DACH2: variants seen among roughly 807,000 people sequenced by gnomAD.
DACH2 encodes dachshund homolog 2.
DACH2 carries 17 observed loss-of-function variants against 35.8 expected under a neutral mutation model. The ratio of observed to expected loss-of-function variants is 0.48; its 90% confidence interval spans 0.33 to 0.71. The LOEUF (loss-of-function observed/expected upper bound fraction) is 0.71. DACH2 is among the 30% of genes least tolerant of loss of function. The pLI, the probability that DACH2 is intolerant of heterozygous loss-of-function variation, is 0.02. For missense variants in DACH2, 469 were observed against 472.7 expected (o/e 0.99, Z 0.07); for synonymous variants, 195 against 177.3 (o/e 1.10, Z -0.79).
intron 2 of DACH2, among the ~76,000 whole-genome samples, chrX:86,424,248 T>A (rs2036855013): frequency 9.0e-6 from 1 of 111,013 alleles, no homozygotes; most frequent in Non-Finnish European, 1.9e-5. Context: ...GATAGGGATT[T>A]CAGTGAACCT....
intron 3 of DACH2, among the ~76,000 whole-genome samples, chrX:86,591,730 G>A (rs2039649145): frequency 9.1e-6 from 1 of 109,881 alleles, no homozygotes; most frequent in Non-Finnish European, 1.9e-5. Flanking sequence ...TAGAGATGGA[G>A]TTTCACCATA....
At chrX:86,213,758 C>T (rs2032503558) in intron 1 of DACH2, among the ~76,000 whole-genome samples, 1 of 110,806 alleles carries the variant, frequency 9.0e-6, no homozygotes, top group South Asian at 3.7e-4. Context: ...GATCCACAAA[C>T]TTCAGAAACA....
At chrX:86,315,790 C>G (rs2034889160) in intron 1 of DACH2, among the ~76,000 whole-genome samples, 1 of 28,054 alleles carries the variant, frequency 3.6e-5, no homozygotes, top group Non-Finnish European at 6.9e-5. Flanking sequence ...GGGTCGTGGA[C>G]ACACACACAC....
At chrX:86,718,884 T>C (rs761897514) in intron 6 of DACH2, among the ~76,000 whole-genome samples, 17 of 112,217 alleles carry the variant, frequency 1.5e-4, no homozygotes, top group Non-Finnish European at 3.2e-4. Flanking sequence ...ACTGTAGCCT[T>C]ACAGTATAAT....
intron 3 of DACH2, among the ~76,000 whole-genome samples, chrX:86,523,484 T>A (rs988814163): frequency 4.5e-5 from 5 of 111,627 alleles, no homozygotes; most frequent in African/African-American, 1.6e-4. Flanking sequence ...ATCAAATAAA[T>A]TTTTCCTTTT....
chrX:86,595,733 G>GTT (rs970677927), intron 3 of DACH2, among the ~76,000 whole-genome samples: 6 of 107,658 alleles, frequency 5.6e-5, no homozygotes, highest in African/African-American at 2.0e-4. Flanking sequence ...TTGAGCTATA[G>GTT]TTATATATAT....
chrX:86,747,212 T>G (rs2041722177), intron 7 of DACH2, among the ~76,000 whole-genome samples: 1 of 111,808 alleles, frequency 8.9e-6, no homozygotes, highest in Non-Finnish European at 1.9e-5. Context: ...CAGTTTCTGA[T>G]AAGATATCAA....
At chrX:86,397,318 C>G (rs1306377222) in intron 2 of DACH2, among the ~76,000 whole-genome samples, 2 of 111,583 alleles carry the variant, frequency 1.8e-5, no homozygotes, top group Non-Finnish European at 3.8e-5. Context: ...TCTAGATATA[C>G]AATCACGTCA....
intron 11 of DACH2, chrX:86,827,647 T>C: frequency 1.7e-6 from 1 of 573,501 alleles, no homozygotes; most frequent in South Asian, 2.6e-5. Context: ...TGAACATATA[T>C]AGCACAGCGA....
intron 7 of DACH2, among the ~76,000 whole-genome samples, chrX:86,804,436 G>GTT (rs886854564): frequency 1.8e-5 from 2 of 111,654 alleles, no homozygotes; most frequent in African/African-American, 6.5e-5. Context: ...GGGGATGACA[G>GTT]TTTGACATGA....
At position 86,786,844 on chromosome X, in the gene DACH2, G is replaced by T. The variant is rs781574853; in HGVS notation, c.1241-26012G>T. On this transcript the variant is annotated intron_variant, in intron 7 of 11. Coordinates refer to ENST00000373125, the MANE Select transcript of DACH2 (RefSeq NM_053281.3). ...TGTGTCCCCACCCAGATCTCATCTT[G>T]AATCCCCATGTATTGTGAGAGTGAC... Among the ~76,000 whole-genome samples the T allele has an allele frequency of 8.9e-5, 10 of 111,985 alleles. No homozygotes were observed. The South Asian group carries it at 3.8e-3, about 42-fold the overall frequency.
At chrX:86,684,494 T>C (rs2040918395) in intron 4 of DACH2, among the ~76,000 whole-genome samples, 2 of 111,101 alleles carry the variant, frequency 1.8e-5, no homozygotes, top group Non-Finnish European at 3.8e-5. Context: ...ACTTAAATTA[T>C]GTTATGGGTA....
At chrX:86,468,663 T>A (rs1453415255) in intron 2 of DACH2, among the ~76,000 whole-genome samples, 3 of 111,712 alleles carry the variant, frequency 2.7e-5, no homozygotes, top group Admixed American at 9.6e-5. Flanking sequence ...TCCCAGAAAT[T>A]TATAGGCCTA....
chrX:86,394,180 C>T lies in DACH2; in HGVS notation c.527+17318C>T, dbSNP rs758103018. 6.4e-5 allele frequency among the ~76,000 whole-genome samples: 7 copies of T among 109,541 alleles called. No individual in the cohort carries two copies. The South Asian group carries it at 1.2e-3, about 18-fold the overall frequency. ...AGTCCCATGATTGCATACGTGTTTA[C>T]GTTATGATCCCTGTTATATTGTAAG... On this transcript the variant is annotated intron_variant, in intron 2 of 11. Transcript: ENST00000373125.
At chrX:86,419,598 G>A (rs1242101753) in intron 2 of DACH2, among the ~76,000 whole-genome samples, 1 of 111,959 alleles carries the variant, frequency 8.9e-6, no homozygotes, top group Non-Finnish European at 1.9e-5. Flanking sequence ...GGAATTGTGG[G>A]AGTTACAATT....
At chrX:86,416,253 G>C (rs760932703) in intron 2 of DACH2, among the ~76,000 whole-genome samples, 44 of 112,344 alleles carry the variant, frequency 3.9e-4, no homozygotes, top group Non-Finnish European at 6.6e-4. Context: ...GTAAATTCCA[G>C]AGAGCTTGAC....
At chrX:86,671,564 C>G (rs780156845) in intron 4 of DACH2, among the ~76,000 whole-genome samples, 3 of 111,523 alleles carry the variant, frequency 2.7e-5, no homozygotes, top group Non-Finnish European at 5.6e-5. Context: ...TCCTCCTGTT[C>G]CAGCCATGTA....
intron 3 of DACH2, among the ~76,000 whole-genome samples, chrX:86,636,319 G>A (rs939064923): frequency 1.3e-4 from 14 of 110,997 alleles, no homozygotes; most frequent in Non-Finnish European, 2.6e-4. Flanking sequence ...GTAGTGACGG[G>A]TGCCTGTAAT....
chrX:86,207,941 C>G (rs973353998), intron 1 of DACH2, among the ~76,000 whole-genome samples: 1 of 111,080 alleles, frequency 9.0e-6, no homozygotes, highest in South Asian at 3.7e-4. Flanking sequence ...TTTTATTCTA[C>G]TTTAGTTTTT....
Sources: gnomAD v4.1 joint callset for allele counts (sites outside exome capture counted in the v4.1 genomes callset) on GRCh38, gnomAD v4.1.1 for gene constraint, MANE v1.5 for transcripts, NCBI Gene and HGNC (gene_info 2026-07-23, HGNC 2026-07-21) for gene names.